The following DLEC1 variants were observed in gnomAD, a reference collection of about 807,000 sequenced individuals.
The protein encoded by DLEC1 is DLEC1 cilia and flagella associated protein.
DLEC1 carries 146 observed loss-of-function variants against 198.1 expected under a neutral mutation model. That is an observed-to-expected ratio of 0.74 (90% CI 0.64 to 0.85). The LOEUF is 0.85. Ranked by LOEUF, DLEC1 falls within the 40% of genes least tolerant of loss-of-function variation. The pLI is 0.00. For missense variants in DLEC1, 2,233 were observed against 2,220.0 expected (o/e 1.01, Z -0.12); for synonymous variants, 897 against 866.8 (o/e 1.03, Z -0.61).
rs750378238 is a variant in DLEC1 at position 38,117,254 on chromosome 3, C to T, written c.4352C>T (p.Ala1451Val). The change falls in exon 31 of 37, where the codon GCG (alanine) becomes GTG (valine). Residue 1451 changes from alanine to valine, a missense_variant. Ala to Val is a moderately conservative substitution (Grantham distance 64). Coordinates refer to ENST00000308059, the MANE Select transcript of DLEC1 (RefSeq NM_007335.4). Reference protein sequence around the residue: ...PGKRHRLQDFAVGPLKLDLHS... With the variant: ...PGKRHRLQDFVVGPLKLDLHS... ...AAGAGGCATCGCCTGCAGGACTTTG[C>T]GGTGGGACCCCTGAAACTGGACCTG... is the stretch of plus-strand genomic sequence containing the variant. 6.2e-6 allele frequency: 10 copies of T among 1,614,130 alleles called. No individual in the cohort carries two copies. The highest frequency in any genetic ancestry group is 3.3e-5 in the South Asian group (3 of 91,088).
chr3:38,122,676 G>T lies in DLEC1; in HGVS notation c.*264G>T. 7.0e-7 allele frequency: 1 copy of T among 1,424,984 alleles called. No individual in the cohort carries two copies. Among genetic ancestry groups the T allele is most frequent in the Non-Finnish European group, 9.2e-7 (1 of 1,089,264 alleles). 88.3% of individuals were successfully genotyped at this position (1,424,984 alleles called of 1,614,324 possible). On this transcript the variant is annotated 3_prime_UTR_variant, in exon 37 of 37. Transcript: ENST00000308059. ...CTCAGTGCATAGCGAAGACCAGTAT[G>T]GCAAAATTAGTCTTGGAAAAAAACC...
intron 6 of DLEC1, among the ~76,000 whole-genome samples, chr3:38,064,165 G>T (rs532725842): frequency 2.0e-5 from 3 of 151,896 alleles, no homozygotes; most frequent in Non-Finnish European, 2.9e-5. Flanking sequence ...GCCGCCTTCC[G>T]CAGTGTTTGT....
rs1559384843 is a variant in DLEC1, at chr3:38,039,414, C to G, written c.189C>G (p.Pro63=). The G allele has an allele frequency of 1.2e-6, 2 of 1,613,784 alleles. No homozygotes were observed. Among genetic ancestry groups the G allele is most frequent in the East Asian group, 2.2e-5 (1 of 44,880 alleles). ...TCCACTACAGCTTCGCAGCCCGGCCCCGCCGCCTCACGCAGCTTGCGCTGG... is the reference window on the plus strand; with the variant it reads ...TCCACTACAGCTTCGCAGCCCGGCCGCGCCGCCTCACGCAGCTTGCGCTGG... ...EAFHYSFAAR[P]RRLTQLALAQ... The change falls in exon 1 of 37, where the codon CCC becomes CCG. Residue 63 remains proline, a synonymous_variant. Coordinates refer to ENST00000308059, the MANE Select transcript of DLEC1 (RefSeq NM_007335.4).
chr3:38,084,557 A>G (rs79022973), intron 7 of DLEC1, among the ~76,000 whole-genome samples: 17 of 9,252 alleles, frequency 1.8e-3, no homozygotes, highest in East Asian at 5.0e-3. Flanking sequence ...TAGTGGTAGT[A>G]GTAGTGGTAG....
intron 6 of DLEC1, among the ~76,000 whole-genome samples, chr3:38,068,223 CT>C (rs113080358): frequency 2.0e-5 from 3 of 151,250 alleles, no homozygotes; most frequent in Non-Finnish European, 4.4e-5. Flanking sequence ...GACTTCATTT[CT>C]TTTTTTTTAA....
chr3:38,123,690 A>AAGAT lies in DLEC1; in HGVS notation c.*1279_*1282dup, dbSNP rs1377501480. 6.6e-6 allele frequency: 1 copy of AAGAT among 152,426 alleles called. No homozygotes were observed. Among genetic ancestry groups the AAGAT allele is most frequent in the African/African-American group, 2.4e-5 (1 of 41,442 alleles). 9.4% of individuals were successfully genotyped at this position (152,426 alleles called of 1,614,324 possible). On this transcript the variant is annotated 3_prime_UTR_variant, in exon 37 of 37. Transcript: ENST00000308059. ...CCATCTTAGAAAAAAACTTTTTTAAAAGATTGATTTAAAAGATATTTACAT... is the reference window on the plus strand; with the variant it reads ...CCATCTTAGAAAAAAACTTTTTTAAAAGATAGATTGATTTAAAAGATATTTACAT...
At chr3:38,095,732 A>AG in intron 13 of DLEC1, 156 bp from the exon 14 acceptor site, 1 of 818,588 alleles carries the variant, frequency 1.2e-6, no homozygotes, top group South Asian at 1.7e-5. Flanking sequence ...TTTCCTAAGG[A>AG]GGGGAGGAGG....
chr3:38,119,252 G>C (rs1159032045), intron 33 of DLEC1, among the ~76,000 whole-genome samples: 1 of 152,148 alleles, frequency 6.6e-6, no homozygotes, highest in Admixed American at 6.5e-5. Context: ...CCAGGCTCTA[G>C]AGCCAAACTC....
Position 38,118,301 on chromosome 3 carries a change from C to G in DLEC1, c.4704+277C>G, listed in dbSNP as rs1055639483. On this transcript the variant is annotated intron_variant, in intron 33 of 36. Coordinates refer to ENST00000308059, the MANE Select transcript of DLEC1 (RefSeq NM_007335.4). ...TAAATGTCCCCAGACTTCCCTTTCC[C>G]TCTTAGTCCCCACTGCTGAGATGCT... Among the ~76,000 whole-genome samples, 9 of 152,194 alleles carry G rather than the reference C, an allele frequency of 5.9e-5. No homozygotes were observed. In the South Asian group the frequency reaches 1.9e-3, roughly 32 times the overall value.
intron 1 of DLEC1, among the ~76,000 whole-genome samples, chr3:38,041,575 G>A (rs1319360504): frequency 1.3e-5 from 2 of 152,148 alleles, no homozygotes; most frequent in African/African-American, 2.4e-5. Context: ...GCGGCCGGGC[G>A]TGGTGGCTCA....
intron 2 of DLEC1, among the ~76,000 whole-genome samples, chr3:38,049,553 C>T (rs1270445143): frequency 6.6e-6 from 1 of 152,220 alleles, no homozygotes; most frequent in African/African-American, 2.4e-5. Context: ...CAAGACCTCG[C>T]AGAGCCATGC....
At chr3:38,090,646 C>G (rs1363968870) in intron 10 of DLEC1, among the ~76,000 whole-genome samples, 1 of 152,238 alleles carries the variant, frequency 6.6e-6, no homozygotes, top group Non-Finnish European at 1.5e-5. Flanking sequence ...AGTAGATTTG[C>G]TGATCCAGCG....
chr3:38,056,062 T>TACACACACACACAC (rs57610638), intron 2 of DLEC1, among the ~76,000 whole-genome samples: 1 of 120,450 alleles, frequency 8.3e-6, no homozygotes, highest in African/African-American at 3.4e-5. Context: ...CTACAAAAAA[T>TACACACACACACAC]ACACACACAC....
rs149389183 is a variant in DLEC1 at position 38,075,221 on chromosome 3, T to C, written c.1174-8937T>C. 1.2e-4 allele frequency among the ~76,000 whole-genome samples: 18 copies of C among 152,074 alleles called. No homozygotes were observed. The East Asian group carries it at 2.1e-3, about 18-fold the overall frequency. ...GAAGGAGGATTTGGGAGGAATCGCA[T>C]TGGGAACAGAGACTAGGGAGGGAAC... On this transcript the variant is annotated intron_variant, in intron 6 of 36. Coordinates refer to ENST00000308059, the MANE Select transcript of DLEC1 (RefSeq NM_007335.4).
At chr3:38,052,935 G>GT (rs1701198984) in intron 2 of DLEC1, among the ~76,000 whole-genome samples, 1 of 152,218 alleles carries the variant, frequency 6.6e-6, no homozygotes, top group Non-Finnish European at 1.5e-5. Flanking sequence ...GATTGCAGGG[G>GT]CGCGCCGCCA....
chr3:38,079,764 G>C (rs1228420632), intron 6 of DLEC1, among the ~76,000 whole-genome samples: 3 of 152,236 alleles, frequency 2.0e-5, no homozygotes, highest in Non-Finnish European at 2.9e-5. Flanking sequence ...AGGAGGTTCT[G>C]GAGGAATGCC....
In DLEC1 at chr3:38,039,255, G is replaced by T. The variant is rs1225255016; in HGVS notation, c.30G>T (p.Arg10Ser). METRSSKTR[R>S]SLASRTNECQ... ...AGACCAGGAGCTCCAAAACGCGGAG[G>T]TCTTTAGCGTCCCGGACCAACGAGT... Residue 10 changes from arginine (R) to serine (S), a missense_variant, in exon 1 of 37, where the codon AGG becomes AGT. By Grantham distance (110) the Arg-to-Ser change is moderately radical. Transcript: ENST00000308059. 10 of 1,612,188 alleles carry T rather than the reference G, an allele frequency of 6.2e-6. No homozygotes were observed. The highest frequency in any genetic ancestry group is 8.5e-6 in the Non-Finnish European group (10 of 1,178,890).
chr3:38,042,669 C>G (rs996907663), intron 1 of DLEC1, among the ~76,000 whole-genome samples: 3 of 150,624 alleles, frequency 2.0e-5, no homozygotes, highest in Non-Finnish European at 4.4e-5. Flanking sequence ...GATTCTCCTG[C>G]CTCAGCCTCC....
At chr3:38,055,319 A>G (rs534681595) in intron 2 of DLEC1, among the ~76,000 whole-genome samples, 3 of 152,346 alleles carry the variant, frequency 2.0e-5, no homozygotes, top group Non-Finnish European at 4.4e-5. Flanking sequence ...CATCCATATC[A>G]TCATGAAACT....
Sources: gnomAD v4.1 joint callset for allele counts (sites outside exome capture counted in the v4.1 genomes callset) on GRCh38, gnomAD v4.1.1 for gene constraint, MANE v1.5 for transcripts, NCBI Gene and HGNC (gene_info 2026-07-23, HGNC 2026-07-21) for gene names.